The following SMYD3 variants were observed in gnomAD, a reference collection of about 807,000 sequenced individuals.
The protein encoded by SMYD3 is SET and MYND domain containing 3.
A neutral mutation model predicts 57.7 loss-of-function variants in SMYD3; 36 were observed. That is an observed-to-expected ratio of 0.62 (90% CI 0.48 to 0.82). The LOEUF (loss-of-function observed/expected upper bound fraction) is 0.82. Ranked by LOEUF, SMYD3 falls within the 40% of genes least tolerant of loss-of-function variation. The pLI is 0.00. For missense variants in SMYD3, 515 were observed against 538.8 expected (o/e 0.96, Z 0.44); for synonymous variants, 211 against 195.0 (o/e 1.08, Z -0.68).
At chr1:245,899,400 C>T (rs34861340) in intron 8 of SMYD3, among the ~76,000 whole-genome samples, 3 of 152,134 alleles carry the variant, frequency 2.0e-5, no homozygotes, top group Non-Finnish European at 4.4e-5. Context: ...ATACTCTACT[C>T]TCTTCCACTA....
At chr1:246,391,693 T>C (rs2066575139) in intron 1 of SMYD3, among the ~76,000 whole-genome samples, 1 of 151,928 alleles carries the variant, frequency 6.6e-6, no homozygotes, top group Non-Finnish European at 1.5e-5. Context: ...CATTTGATAA[T>C]GAAAAGTAAC....
chr1:246,103,460 G>A (rs1414451177), intron 5 of SMYD3, among the ~76,000 whole-genome samples: 5 of 150,738 alleles, frequency 3.3e-5, no homozygotes, highest in East Asian at 1.9e-4. Context: ...AAAAAAGCTC[G>A]TGCTCCTCAC....
At chr1:246,392,208 C>T (rs1420201824) in intron 1 of SMYD3, among the ~76,000 whole-genome samples, 1 of 151,856 alleles carries the variant, frequency 6.6e-6, no homozygotes, top group Non-Finnish European at 1.5e-5. Context: ...AACAAATGAA[C>T]AATTGAACAC....
At position 245,753,251 on chromosome 1, in the gene SMYD3, GA is replaced by G. The variant is rs34929779; in HGVS notation, c.1186-3588del. Among the ~76,000 whole-genome samples, 298 of 111,446 alleles carry G rather than the reference GA, an allele frequency of 2.7e-3. 2 individuals carry two copies. The highest frequency in any genetic ancestry group is 3.3e-3 in the African/African-American group (101 of 30,376). The allele number at this position is 111,446 out of a possible 152,430, so 73.1% of individuals were successfully genotyped here. ...GGCAGAGAACTAATCTGAAGCAACTGAAAAAAAAAAAAAAGAAACTACATCA... is the reference window on the plus strand; with the variant it reads ...GGCAGAGAACTAATCTGAAGCAACTGAAAAAAAAAAAAAGAAACTACATCA... On this transcript the variant is annotated intron_variant, in intron 11 of 11. Coordinates refer to ENST00000490107, the MANE Select transcript of SMYD3 (RefSeq NM_001167740.2).
intron 5 of SMYD3, among the ~76,000 whole-genome samples, chr1:246,001,261 G>C (rs1572870704): frequency 6.6e-6 from 1 of 152,336 alleles, no homozygotes; most frequent in East Asian, 1.9e-4. Context: ...TCTGACTAGT[G>C]AGAAAGTTTT....
chr1:245,966,228 G>A (rs994315194), intron 5 of SMYD3, among the ~76,000 whole-genome samples: 1 of 152,026 alleles, frequency 6.6e-6, no homozygotes, highest in African/African-American at 2.4e-5. Flanking sequence ...CTGAAGTACA[G>A]TGGTGCCATC....
chr1:246,228,829 G>C (rs1216236274), intron 5 of SMYD3, among the ~76,000 whole-genome samples: 1 of 150,622 alleles, frequency 6.6e-6, no homozygotes, highest in Non-Finnish European at 1.5e-5. Context: ...CTTTTTTTTA[G>C]TATGTATATT....
At chr1:246,076,231 A>C (rs1470244015) in intron 5 of SMYD3, among the ~76,000 whole-genome samples, 1 of 152,104 alleles carries the variant, frequency 6.6e-6, no homozygotes, top group Non-Finnish European at 1.5e-5. Context: ...AAAATACCAA[A>C]CCCGTCTCTA....
intron 1 of SMYD3, among the ~76,000 whole-genome samples, chr1:246,365,135 A>T (rs1191521241): frequency 6.6e-6 from 1 of 152,178 alleles, no homozygotes; most frequent in Non-Finnish European, 1.5e-5. Context: ...TACATCACAG[A>T]TCTCTAAGGA....
chr1:246,310,662 T>TTTTA lies in SMYD3; in HGVS notation c.531+16538_531+16539insTAAA, dbSNP rs1491388116. ...TAGGGGAAAGGACAAAGAGTAAGGC[T>TTTTA]TTTTTTTTTTTTTTTTTTTTTTTCT... On this transcript the variant is annotated intron_variant, in intron 5 of 11. Transcript: ENST00000490107. Among the ~76,000 whole-genome samples the TTTTA allele has an allele frequency of 8.3e-4, 9 of 10,806 alleles. 1 individual carries two copies. The East Asian group carries it at 0.067, about 80-fold the overall frequency. The allele number at this position is 10,806 out of a possible 152,430, so 7.1% of individuals were successfully genotyped here.
At chr1:246,007,983 T>C (rs2059206177) in intron 5 of SMYD3, among the ~76,000 whole-genome samples, 1 of 152,226 alleles carries the variant, frequency 6.6e-6, no homozygotes, top group Admixed American at 6.5e-5. Context: ...GCTGTGATTT[T>C]TACACCAAAG....
intron 10 of SMYD3, among the ~76,000 whole-genome samples, chr1:245,830,961 T>C (rs2049801389): frequency 6.6e-6 from 1 of 152,066 alleles, no homozygotes; most frequent in Non-Finnish European, 1.5e-5. Flanking sequence ...CCTGCCCCCC[T>C]CCTCGCTACA....
chr1:246,409,243 T>C (rs1441879337), intron 1 of SMYD3, among the ~76,000 whole-genome samples: 5 of 152,162 alleles, frequency 3.3e-5, no homozygotes, highest in Admixed American at 6.5e-5. Flanking sequence ...AGACATGAAG[T>C]CTTGCCCATG....
At chr1:246,016,166 C>T (rs1025464186) in intron 5 of SMYD3, among the ~76,000 whole-genome samples, 8 of 150,498 alleles carry the variant, frequency 5.3e-5, no homozygotes, top group African/African-American at 7.3e-5. Context: ...ACTTGGGAGG[C>T]GGAGGTGGGA....
intron 5 of SMYD3, among the ~76,000 whole-genome samples, chr1:246,180,030 AG>A (rs1248252447): frequency 6.6e-6 from 1 of 151,990 alleles, no homozygotes; most frequent in Non-Finnish European, 1.5e-5. Context: ...ACATGAGACC[AG>A]GTGTGGTGGC....
intron 5 of SMYD3, among the ~76,000 whole-genome samples, chr1:245,936,125 T>C (rs981444631): frequency 1.3e-5 from 2 of 152,208 alleles, no homozygotes; most frequent in East Asian, 3.8e-4. Flanking sequence ...AAAATTCACA[T>C]TGTACTCTAA....
At chr1:245,831,160 T>TA (rs1456532005) in intron 10 of SMYD3, among the ~76,000 whole-genome samples, 1 of 152,230 alleles carries the variant, frequency 6.6e-6, no homozygotes, top group Non-Finnish European at 1.5e-5. Context: ...CACCCTCAGT[T>TA]ATTCTTTTCC....
intron 8 of SMYD3, among the ~76,000 whole-genome samples, chr1:245,900,790 C>G (rs911501085): frequency 6.6e-6 from 1 of 152,172 alleles, no homozygotes; most frequent in Non-Finnish European, 1.5e-5. Context: ...ATTCATGGCA[C>G]CTAAGAGGAA....
At chr1:246,442,666 T>C (rs933033104) in intron 1 of SMYD3, among the ~76,000 whole-genome samples, 5 of 152,094 alleles carry the variant, frequency 3.3e-5, no homozygotes, top group Non-Finnish European at 5.9e-5. Context: ...TGATGTGAAA[T>C]TGGAGACCAG....
Sources: allele counts gnomAD v4.1 joint callset (sites outside exome capture counted in the v4.1 genomes callset), GRCh38; gene constraint gnomAD v4.1.1; transcripts MANE v1.5; gene names NCBI Gene and HGNC (gene_info 2026-07-23, HGNC 2026-07-21).